The following DYNC1H1 variants were observed in gnomAD, a reference collection of about 807,000 sequenced individuals.
DYNC1H1 encodes cytoplasmic dynein 1 heavy chain 1.
A neutral mutation model predicts 527.1 loss-of-function variants in DYNC1H1; 51 were observed. The observed-to-expected ratio is 0.10, with a 90% CI of 0.08 to 0.12. The LOEUF (loss-of-function observed/expected upper bound fraction) is 0.12, where lower values mean the gene tolerates loss of function less well. DYNC1H1 is among the 10% of genes least tolerant of loss of function. The pLI is 1.00. For synonymous variants in DYNC1H1, 2,189 were observed against 2,278.8 expected, an observed-to-expected ratio of 0.96 and a Z score of 1.12; for missense variants, 2,771 against 5,971.8, an observed-to-expected ratio of 0.46 and a Z score of 17.66.
intron 48 of DYNC1H1, chr14:102,028,457 T>C (rs908605148): frequency 8.0e-6 from 3 of 376,364 alleles, no homozygotes; most frequent in Non-Finnish European, 5.1e-6. Context: ...AGAGGTTATA[T>C]TGAGCTGAGA....
chr14:102,016,457 A>G lies in DYNC1H1; in HGVS notation c.7582A>G (p.Thr2528Ala), dbSNP rs2048323765. 1 of 1,614,204 alleles carries G rather than the reference A, an allele frequency of 6.2e-7. No individual in the cohort carries two copies. The highest frequency in any genetic ancestry group is 8.5e-7 in the Non-Finnish European group (1 of 1,180,030). The change falls in exon 37 of 78, where the codon ACT becomes GCT. Residue 2528 changes from threonine (T) to alanine (A), a missense_variant. Physicochemically the swap from Thr to Ala is moderately conservative, Grantham distance 58 (BLOSUM62 0). This residue lies in a region of DYNC1H1 where 71 missense variants were observed against 143.6 expected (regional missense o/e 0.49). Transcript: ENST00000360184. The surrounding 1 kb of genome is among the most constrained non-coding windows in gnomAD (Gnocchi z 7.3). ...AAGAATCACGACCGTGCCTCTGCCC[A>G]CTGCGCCCAACATACCCATTATCGA... ...IRRITTVPLP[T>A]APNIPIIDYE...
In DYNC1H1 at chr14:102,002,750, A is replaced by G. The variant is rs768698312; in HGVS notation, c.4710-42A>G. ...CCAAATTTGCCAGCGGCTAGTGACT[A>G]CTCTACACAAAGGCTGACGCATGTT... On this transcript the variant is annotated intron_variant, in intron 22 of 77. Transcript: ENST00000360184. This position sits in a 1 kb window ranked among gnomAD's most constrained non-coding sequence, Gnocchi z 4.4. 14 of 1,614,078 alleles carry G rather than the reference A, an allele frequency of 8.7e-6. No individual in the cohort carries two copies. In the East Asian group the frequency reaches 2.7e-4, roughly 31 times the overall value.
chr14:102,037,286 T>A (rs1433424285), intron 57 of DYNC1H1: 4 of 138,176 alleles, frequency 2.9e-5, no homozygotes, highest in African/African-American at 1.1e-4. Flanking sequence ...TAGCCGGGTG[T>A]GGCGATGCAC....
intron 12 of DYNC1H1, 120 bp downstream of exon 12, chr14:101,994,444 T>A: frequency 6.8e-7 from 1 of 1,468,074 alleles, no homozygotes; most frequent in East Asian, 2.3e-5. Flanking sequence ...CACTAGATAC[T>A]ATTTGCTGTT....
rs758450089 is a variant in DYNC1H1 at position 102,020,079 on chromosome 14, T to C, written c.8507+23T>C. 7 of 1,613,300 alleles carry C rather than the reference T, an allele frequency of 4.3e-6. No homozygotes were observed. In the East Asian group the frequency reaches 8.9e-5, roughly 21 times the overall value. ...TAGGTAAGGGAAGCCGAGGATCCAG[T>C]TGGTCCCATTCTCCCCTGCTCTGAG... On this transcript the variant is annotated intron_variant, in intron 42 of 77. Coordinates refer to ENST00000360184, the MANE Select transcript of DYNC1H1 (RefSeq NM_001376.5). This position sits in a 1 kb window ranked among gnomAD's most constrained non-coding sequence, Gnocchi z 4.3.
chr14:102,047,564 C>CATATAT, intron 72 of DYNC1H1: 1 of 271,330 alleles, frequency 3.7e-6, no homozygotes, highest in Non-Finnish European at 6.9e-6. Flanking sequence ...CACACACACA[C>CATATAT]ATATATATAT....
In DYNC1H1 at chr14:102,044,334, C is replaced by T. The variant is rs757275255; in HGVS notation, c.12745C>T (p.Gln4249Ter). The T allele has an allele frequency of 6.2e-7, 1 of 1,614,248 alleles. No individual in the cohort carries two copies. The highest frequency in any genetic ancestry group is 8.5e-7 in the Non-Finnish European group (1 of 1,180,052). ...PWSALKTLMA[Q>*]SIYGGRVDNE... ...GTCTGCACTAAAGACCTTAATGGCC[C>T]AGTCCATTTATGGCGGGCGCGTGGA... The change falls in exon 71 of 78, where the codon CAG (glutamine) becomes TAG (stop). Residue 4249 changes from glutamine to a stop codon, truncating the protein, a stop_gained. Coordinates refer to ENST00000360184, the MANE Select transcript of DYNC1H1 (RefSeq NM_001376.5). LOFTEE classifies it high-confidence loss of function. This position sits in a 1 kb window ranked among gnomAD's most constrained non-coding sequence, Gnocchi z 7.1.
rs770750441 is a variant in DYNC1H1 at position 102,029,729 on chromosome 14, A to C, written c.9642+17A>C. The C allele has an allele frequency of 4.3e-6, 7 of 1,614,082 alleles. No homozygotes were observed. Among genetic ancestry groups the C allele is most frequent in the Non-Finnish European group, 5.9e-6 (7 of 1,180,052 alleles). Reference sequence around the variant, plus strand: ...GTCGACCAGGTGCGTCACAGGCACAAATTCCTCACGGGAGTGAGCTGCAGT... The same window carrying C: ...GTCGACCAGGTGCGTCACAGGCACACATTCCTCACGGGAGTGAGCTGCAGT... On this transcript the variant is annotated intron_variant, in intron 49 of 77. Transcript: ENST00000360184. The surrounding 1 kb of genome is among the most constrained non-coding windows in gnomAD (Gnocchi z 5.3).
chr14:102,043,428 C>T (rs550310888), intron 69 of DYNC1H1: 80 of 303,778 alleles, frequency 2.6e-4, no homozygotes, highest in Non-Finnish European at 4.6e-4. Context: ...GAGATGCCCA[C>T]GGAGAAGCTG....
rs571640825 is a variant in DYNC1H1, at chr14:102,018,737, G to A, written c.8343+121G>A. ...GCATTTTGGGAGGCCAAGGTGGGTG[G>A]ATCCTTTGAGCCCAGGAGTTTGAGA... On this transcript the variant is annotated intron_variant, in intron 41 of 77. Coordinates refer to ENST00000360184, the MANE Select transcript of DYNC1H1 (RefSeq NM_001376.5). The surrounding 1 kb of genome is among the most constrained non-coding windows in gnomAD (Gnocchi z 5.2). 7.5e-7 allele frequency: 1 copy of A among 1,327,668 alleles called. No individual in the cohort carries two copies. The highest frequency in any genetic ancestry group is 1.0e-6 in the Non-Finnish European group (1 of 958,066). The allele number at this position is 1,327,668 out of a possible 1,614,324, so 82.2% of individuals were successfully genotyped here. A position where few individuals can be genotyped will look rare whatever the true frequency, so the allele number is the denominator to read the frequency against.
chr14:102,054,137 C>A lies in DYNC1H1; in HGVS notation c.*3574C>A, dbSNP rs1157208786. The A allele has an allele frequency of 6.6e-6, 1 of 152,266 alleles. No homozygotes were observed. The highest frequency in any genetic ancestry group is 1.5e-5 in the Non-Finnish European group (1 of 68,076). 9.4% of individuals were successfully genotyped at this position (152,266 alleles called of 1,614,324 possible). ...TGGGGACTCAGCCTGAGCCTTGTTC[C>A]CAGAAAGCCCTCAACGCAGTGCTGG... On this transcript the variant is annotated 3_prime_UTR_variant, in exon 78 of 78. Transcript: ENST00000360184.
chr14:102,044,132 G>T lies in DYNC1H1; in HGVS notation c.12684+87G>T. 1.3e-6 allele frequency: 2 copies of T among 1,588,978 alleles called. No individual in the cohort carries two copies. The highest frequency in any genetic ancestry group is 1.7e-6 in the Non-Finnish European group (2 of 1,171,082). On this transcript the variant is annotated intron_variant, in intron 70 of 77. Transcript: ENST00000360184. This position sits in a 1 kb window ranked among gnomAD's most constrained non-coding sequence, Gnocchi z 7.1. ...GTGGTGCTGAGAGGCCAGACTCTGC[G>T]TGGAAGAGCGAGCTGACCCCTCGTG... is the stretch of plus-strand genomic sequence containing the variant.
At chr14:102,026,770 G>A (rs1195759548) in intron 44 of DYNC1H1, 63 bp downstream of exon 44, 6 of 1,589,460 alleles carry the variant, frequency 3.8e-6, no homozygotes, top group Non-Finnish European at 3.4e-6. Flanking sequence ...AAGTGTGTGT[G>A]CCGGGTCACA....
chr14:101,997,148 G>A lies in DYNC1H1; in HGVS notation c.3678G>A (p.Arg1226=), dbSNP rs1349125685. ...GEWGAFNDIM[R]RKDSAIQQQV... ...GGGGAGCCTTCAATGACATCATGCG[G>A]CGAAAGGACTCTGCCATTCAGCAGC... Residue 1226 remains arginine, a synonymous_variant, in exon 16 of 78, where the codon CGG becomes CGA. Transcript: ENST00000360184. This position sits in a 1 kb window ranked among gnomAD's most constrained non-coding sequence, Gnocchi z 4.8. 6.2e-7 allele frequency: 1 copy of A among 1,614,084 alleles called. No individual in the cohort carries two copies. The highest frequency in any genetic ancestry group is 2.2e-5 in the East Asian group (1 of 44,876).
In DYNC1H1 at chr14:101,965,018, G is replaced by T. The variant is rs1351208427; in HGVS notation, c.256+71G>T. On this transcript the variant is annotated intron_variant, in intron 1 of 77. Transcript: ENST00000360184. This position sits in a 1 kb window ranked among gnomAD's most constrained non-coding sequence, Gnocchi z 4.1. The stretch of plus-strand genomic sequence containing the variant: ...AATGCAGGGCCTGCCAGGTCCTCCG[G>T]GGTCGCAGATGTCCCCGGGATGGGA... 24 of 1,496,192 alleles carry T rather than the reference G, an allele frequency of 1.6e-5. No individual in the cohort carries two copies. The highest frequency in any genetic ancestry group is 1.8e-5 in the Non-Finnish European group (20 of 1,111,564). 92.7% of individuals were successfully genotyped at this position (1,496,192 alleles called of 1,614,324 possible).
In DYNC1H1 at chr14:102,038,413, A is replaced by G. The variant is rs1265916759; in HGVS notation, c.10909-47A>G. 1.2e-6 allele frequency: 2 copies of G among 1,611,088 alleles called. No homozygotes were observed. The highest frequency in any genetic ancestry group is 1.7e-6 in the Non-Finnish European group (2 of 1,179,884). ...AGCAACATAGCATTTGGGTGAAGAT[A>G]AAGTTACAAAGCCCTGACCATCAAG... On this transcript the variant is annotated intron_variant, in intron 57 of 77. Coordinates refer to ENST00000360184, the MANE Select transcript of DYNC1H1 (RefSeq NM_001376.5). This position sits in a 1 kb window ranked among gnomAD's most constrained non-coding sequence, Gnocchi z 7.2.
chr14:102,030,165 A>G lies in DYNC1H1; in HGVS notation c.9766A>G (p.Met3256Val). The change falls in exon 51 of 78, where the codon ATG (methionine) becomes GTG (valine). Residue 3256 changes from methionine (M) to valine (V), a missense_variant. Transcript: ENST00000360184. ...DQQEAEKKKV[M>V]SQEIQEQLHK... is the part of the protein sequence containing the mutation. Reference sequence around the variant, plus strand: ...CTAAGCCATCCCTCCTTTCTAGGTTATGAGCCAAGAAATCCAGGAACAGCT... The same window carrying G: ...CTAAGCCATCCCTCCTTTCTAGGTTGTGAGCCAAGAAATCCAGGAACAGCT... The G allele has an allele frequency of 1.2e-6, 2 of 1,614,168 alleles. No homozygotes were observed. The highest frequency in any genetic ancestry group is 1.7e-6 in the Non-Finnish European group (2 of 1,180,024).
At position 101,980,353 on chromosome 14, in the gene DYNC1H1, T is replaced by C. The variant is rs1245772976; in HGVS notation, c.775-11T>C. On this transcript the variant is annotated splice_polypyrimidine_tract_variant and intron_variant, in intron 4 of 77. Transcript: ENST00000360184. The stretch of plus-strand genomic sequence containing the variant: ...TAGTGAATACCCTTGGGTGTTATTT[T>C]ATTTTCAAAGGTGACCAAACTGGAT... 5 of 1,613,950 alleles carry C rather than the reference T, an allele frequency of 3.1e-6. No homozygotes were observed. The highest frequency in any genetic ancestry group is 4.2e-6 in the Non-Finnish European group (5 of 1,180,028).
chr14:102,000,720 A>G (rs533614104), intron 18 of DYNC1H1: 62 of 513,960 alleles, frequency 1.2e-4, no homozygotes, highest in African/African-American at 1.0e-3. Flanking sequence ...GATTACAGGC[A>G]TGTGCCACCA....
Sources: allele counts gnomAD v4.1 joint callset, GRCh38; gene constraint gnomAD v4.1.1; regional missense constraint gnomAD v4.1.1; non-coding constraint Gnocchi (gnomAD v3.1); transcripts MANE v1.5; gene names NCBI Gene and HGNC (gene_info 2026-07-23, HGNC 2026-07-21).